FNIP1: variants seen among roughly 807,000 people sequenced by gnomAD.
The protein encoded by FNIP1 is folliculin-interacting protein 1.
Under a neutral mutation model 124.5 loss-of-function variants are expected in FNIP1, and 40 were observed. The observed-to-expected ratio is 0.32, with a 90% confidence interval of 0.25 to 0.42. FNIP1 has a LOEUF of 0.42. Among genes scored for constraint, FNIP1 ranks in the 10% least tolerant of loss-of-function variants. The pLI is 1.00. For missense variants in FNIP1, 1,176 were observed against 1,403.7 expected (o/e 0.84, Z 2.59); for synonymous variants, 472 against 470.6 (o/e 1.00, Z -0.04).
At chr5:131,729,657 A>G (rs1770009084) in intron 3 of FNIP1, among the ~76,000 whole-genome samples, 2 of 152,062 alleles carry the variant, frequency 1.3e-5, no homozygotes, top group African/African-American at 4.8e-5. Flanking sequence ...AACTCACCAC[A>G]TCCTAGAACT....
At chr5:131,745,834 G>A (rs557569582) in intron 1 of FNIP1, among the ~76,000 whole-genome samples, 117 of 152,254 alleles carry the variant, frequency 7.7e-4, no homozygotes, top group Middle Eastern at 3.4e-3. Context: ...AACGTGCAAC[G>A]TTTGTCTAGG....
intron 8 of FNIP1, among the ~76,000 whole-genome samples, chr5:131,708,895 C>T (rs918923077): frequency 2.7e-5 from 4 of 147,490 alleles, no homozygotes; most frequent in East Asian, 1.9e-4. Flanking sequence ...TATAAGCAAA[C>T]GTGTTTTTTT....
At chr5:131,790,565 C>A (rs181648607) in intron 1 of FNIP1, among the ~76,000 whole-genome samples, 1 of 150,604 alleles carries the variant, frequency 6.6e-6, no homozygotes, top group Non-Finnish European at 1.5e-5. Context: ...CAACCCCTTA[C>A]GTGAATTTAC....
At chr5:131,690,323 G>A (rs1435290335) in intron 11 of FNIP1, among the ~76,000 whole-genome samples, 5 of 152,108 alleles carry the variant, frequency 3.3e-5, no homozygotes, top group African/African-American at 7.2e-5. Flanking sequence ...TGGAATAACC[G>A]ATAAGGTTAG....
intron 11 of FNIP1, among the ~76,000 whole-genome samples, chr5:131,680,077 A>G (rs2149518810): frequency 6.6e-6 from 1 of 152,334 alleles, no homozygotes; most frequent in Admixed American, 6.5e-5. Context: ...GGTAGCCACT[A>G]GCTGTATGTG....
chr5:131,677,249 C>T (rs1186196862), intron 13 of FNIP1, among the ~76,000 whole-genome samples: 14 of 152,248 alleles, frequency 9.2e-5, no homozygotes, highest in Non-Finnish European at 4.4e-5. Flanking sequence ...CTCTGTTCCC[C>T]GACTTGTTTA....
intron 11 of FNIP1, among the ~76,000 whole-genome samples, chr5:131,690,774 G>A (rs1350976958): frequency 6.6e-6 from 1 of 152,148 alleles, no homozygotes. Context: ...ATAAAGAGGG[G>A]CACTTCATAA....
intron 1 of FNIP1, among the ~76,000 whole-genome samples, chr5:131,775,960 T>C (rs780889646): frequency 2.0e-5 from 3 of 152,234 alleles, no homozygotes; most frequent in African/African-American, 7.2e-5. Context: ...TGTTTATAGA[T>C]ATGCCACATT....
At chr5:131,732,911 A>G (rs1770148001) in intron 2 of FNIP1, among the ~76,000 whole-genome samples, 2 of 152,164 alleles carry the variant, frequency 1.3e-5, no homozygotes, top group African/African-American at 4.8e-5. Context: ...TCTATAAATT[A>G]CCTTGGGCAG....
intron 1 of FNIP1, among the ~76,000 whole-genome samples, chr5:131,787,602 T>C (rs1772260132): frequency 6.6e-6 from 1 of 152,110 alleles, no homozygotes; most frequent in Non-Finnish European, 1.5e-5. Flanking sequence ...CCACGTGACA[T>C]GGGGTAAGAT....
chr5:131,707,474 C>A (rs1371067100), intron 8 of FNIP1, among the ~76,000 whole-genome samples: 1 of 152,172 alleles, frequency 6.6e-6, no homozygotes, highest in African/African-American at 2.4e-5. Flanking sequence ...AACTGAGACA[C>A]TTTCATTATG....
chr5:131,740,431 T>A (rs769293707), intron 2 of FNIP1, among the ~76,000 whole-genome samples: 1 of 152,200 alleles, frequency 6.6e-6, no homozygotes, highest in Non-Finnish European at 1.5e-5. Flanking sequence ...TCCAAAGTTA[T>A]GTGAATTTAC....
intron 8 of FNIP1, among the ~76,000 whole-genome samples, chr5:131,706,961 A>C (rs1769134229): frequency 6.6e-6 from 1 of 152,234 alleles, no homozygotes; most frequent in African/African-American, 2.4e-5. Flanking sequence ...AAGTGTCTGA[A>C]TGGCATTTAA....
chr5:131,652,212 T>C (rs1364341319), intron 15 of FNIP1, among the ~76,000 whole-genome samples: 1 of 152,246 alleles, frequency 6.6e-6, no homozygotes, highest in East Asian at 1.9e-4. Flanking sequence ...TTTGTATTCA[T>C]TACAAGGACT....
chr5:131,670,769 T>C (rs1767726766), intron 14 of FNIP1, 138 bp from the exon 15 acceptor site: 9 of 546,046 alleles, frequency 1.6e-5, no homozygotes, highest in Middle Eastern at 5.0e-4. Flanking sequence ...CATCCTTATA[T>C]AATGGTAACA....
intron 1 of FNIP1, among the ~76,000 whole-genome samples, chr5:131,752,134 C>T (rs1172318370): frequency 2.0e-5 from 3 of 152,148 alleles, no homozygotes; most frequent in African/African-American, 7.2e-5. Context: ...AGCTCCGCCT[C>T]TCCGGTTCGC....
chr5:131,751,482 G>C (rs893982411), intron 1 of FNIP1, among the ~76,000 whole-genome samples: 4 of 151,318 alleles, frequency 2.6e-5, no homozygotes, highest in Non-Finnish European at 5.9e-5. Flanking sequence ...CCAGTCCCAA[G>C]CTTGGTAAAT....
At chr5:131,735,452 G>GTATTTTATATATA (rs200630952) in intron 2 of FNIP1, among the ~76,000 whole-genome samples, 14 of 5,782 alleles carry the variant, frequency 2.4e-3, no homozygotes, top group South Asian at 0.018. Context: ...AGAACTTAAA[G>GTATTTTATATATA]TATTTTATAT....
chr5:131,790,315 C>CA (rs1421803372), intron 1 of FNIP1, among the ~76,000 whole-genome samples: 1 of 151,736 alleles, frequency 6.6e-6, no homozygotes, highest in Non-Finnish European at 1.5e-5. Context: ...CCCGTGTCTA[C>CA]AAAAAATAAA....
Sources: allele counts gnomAD v4.1 joint callset (sites outside exome capture counted in the v4.1 genomes callset), GRCh38; gene constraint gnomAD v4.1.1; transcripts MANE v1.5; gene names NCBI Gene and HGNC (gene_info 2026-07-23, HGNC 2026-07-21).